The following MRPS9 variants were observed in gnomAD, a reference collection of about 807,000 sequenced individuals.
MRPS9 encodes small ribosomal subunit protein uS9m.
A neutral mutation model predicts 59.9 loss-of-function variants in MRPS9; 45 were observed. The ratio of observed to expected loss-of-function variants is 0.75; its 90% CI spans 0.59 to 0.96. The LOEUF (loss-of-function observed/expected upper bound fraction) is 0.96, where lower values mean the gene tolerates loss of function less well. MRPS9 is among the 40% of genes least tolerant of loss of function. The pLI is 0.00. For synonymous variants in MRPS9, 171 were observed against 166.8 expected (o/e 1.03, Z -0.19); for missense variants, 473 against 481.1 (o/e 0.98, Z 0.16).
At chr2:105,082,872 C>T (rs1297525729) in intron 5 of MRPS9, among the ~76,000 whole-genome samples, 1 of 152,160 alleles carries the variant, frequency 6.6e-6, no homozygotes, top group African/African-American at 2.4e-5. Context: ...ATTTATTTTA[C>T]ACTAATAAGA....
chr2:105,089,117 A>ATT, intron 6 of MRPS9, 48 bp downstream of exon 6: 1 of 1,418,348 alleles, frequency 7.1e-7, no homozygotes, highest in Non-Finnish European at 9.9e-7. Context: ...TGAACTAAAA[A>ATT]CATGCCACTC....
chr2:105,088,981 T>A lies in MRPS9; in HGVS notation c.490-3T>A, dbSNP rs1680504707. ...CATGTACTGTATATTTTGTTTGCCATAGGATGTATATGGAATGTTACTCAA... is the reference window on the plus strand; with the variant it reads ...CATGTACTGTATATTTTGTTTGCCAAAGGATGTATATGGAATGTTACTCAA... On this transcript the variant is annotated splice_polypyrimidine_tract_variant and splice_region_variant and intron_variant, in intron 5 of 10. Transcript: ENST00000258455. 1 of 1,601,618 alleles carries A rather than the reference T, an allele frequency of 6.2e-7. No individual in the cohort carries two copies.
At chr2:105,070,070 G>A (rs1202294747) in intron 2 of MRPS9, among the ~76,000 whole-genome samples, 1 of 152,006 alleles carries the variant, frequency 6.6e-6, no homozygotes, top group African/African-American at 2.4e-5. Context: ...AGGTGGGGAG[G>A]GACCTGGTTA....
chr2:105,040,126 T>C (rs1307882486), intron 1 of MRPS9, among the ~76,000 whole-genome samples: 1 of 152,232 alleles, frequency 6.6e-6, no homozygotes, highest in East Asian at 1.9e-4. Context: ...TAGATTCTTA[T>C]GATTGCATAC....
rs1279765886 is a variant in MRPS9 at position 105,092,491 on chromosome 2, G to GT, written c.743dup (p.Thr249AsnfsTer3). The GT allele has an allele frequency of 1.9e-6, 3 of 1,613,826 alleles. No homozygotes were observed. Among genetic ancestry groups the GT allele is most frequent in the African/African-American group, 2.7e-5 (2 of 74,912 alleles). ...ATTTGTGCAGAGGTTTCGAAGAAGTGTAACTCTTGAATCAAAAAAACAGCT... is the reference window on the plus strand; with the variant it reads ...ATTTGTGCAGAGGTTTCGAAGAAGTGTTAACTCTTGAATCAAAAAAACAGCT... On this transcript the variant is annotated frameshift_variant, in exon 8 of 11. Coordinates refer to ENST00000258455, the MANE Select transcript of MRPS9 (RefSeq NM_182640.3). LOFTEE classifies it high-confidence loss of function.
intron 10 of MRPS9, chr2:105,098,079 C>T (rs1479407023): frequency 2.6e-5 from 4 of 152,156 alleles, no homozygotes; most frequent in African/African-American, 9.7e-5. Flanking sequence ...TGGAGGTTTC[C>T]ATTTTTTCCC....
At chr2:105,064,884 A>G (rs1042198147) in intron 2 of MRPS9, among the ~76,000 whole-genome samples, 1 of 152,216 alleles carries the variant, frequency 6.6e-6, no homozygotes, top group Non-Finnish European at 1.5e-5. Context: ...AAAAAGAGAA[A>G]GATGCAAAGT....
intron 10 of MRPS9, chr2:105,097,529 G>T (rs1199751038): frequency 4.6e-6 from 2 of 436,200 alleles, no homozygotes; most frequent in Non-Finnish European, 7.6e-6. Context: ...AGAAAAAGGG[G>T]AGAACTCCCC....
At position 105,099,857 on chromosome 2, in the gene MRPS9, A is replaced by T; in HGVS notation, c.*96A>T. On this transcript the variant is annotated 3_prime_UTR_variant, in exon 11 of 11. Transcript: ENST00000258455. The stretch of plus-strand genomic sequence containing the variant: ...AATGGCTGACCAGCATGAGGGCAGT[A>T]CTGTCAGAAATTTCTTTGAGCTGTG... 1.0e-6 allele frequency: 1 copy of T among 970,400 alleles called. No homozygotes were observed. Among genetic ancestry groups the T allele is most frequent in the Non-Finnish European group, 1.5e-6 (1 of 661,690 alleles). The allele number at this position is 970,400 out of a possible 1,614,324, so 60.1% of individuals were successfully genotyped here. A position where few individuals can be genotyped will look rare whatever the true frequency, so the allele number is the denominator to read the frequency against.
intron 4 of MRPS9, 83 bp downstream of exon 4, chr2:105,071,572 A>G: frequency 7.4e-7 from 1 of 1,352,612 alleles, no homozygotes; most frequent in Non-Finnish European, 1.0e-6. Flanking sequence ...TTGCTCACAT[A>G]TCGTAGGGTG....
chr2:105,038,298 C>T lies in MRPS9; in HGVS notation c.135+71C>T, dbSNP rs1679428213. ...GATGTGGAGCCAGCGCGGACACCTTCCCCCAGCGTCTCGCGTGCCTTCAGG... is the reference window on the plus strand; with the variant it reads ...GATGTGGAGCCAGCGCGGACACCTTTCCCCAGCGTCTCGCGTGCCTTCAGG... On this transcript the variant is annotated intron_variant, in intron 1 of 10. Transcript: ENST00000258455. The T allele has an allele frequency of 2.6e-6, 4 of 1,549,226 alleles. No individual in the cohort carries two copies. The South Asian group carries it at 3.6e-5, about 14-fold the overall frequency.
intron 2 of MRPS9, among the ~76,000 whole-genome samples, chr2:105,050,162 CAG>C (rs1181672330): frequency 6.7e-6 from 1 of 149,744 alleles, no homozygotes; most frequent in Non-Finnish European, 1.5e-5. Context: ...TTTTTTGAGA[CAG>C]AGTCTTGCTC....
intron 2 of MRPS9, among the ~76,000 whole-genome samples, chr2:105,057,826 A>G (rs1026461205): frequency 6.6e-6 from 1 of 152,152 alleles, no homozygotes; most frequent in Non-Finnish European, 1.5e-5. Flanking sequence ...TTTAGTTGGG[A>G]GACCTTTCTG....
chr2:105,057,171 A>G (rs969465694), intron 2 of MRPS9, among the ~76,000 whole-genome samples: 1 of 152,194 alleles, frequency 6.6e-6, no homozygotes, highest in African/African-American at 2.4e-5. Flanking sequence ...GTTCTTACCC[A>G]CTGAACCATG....
intron 8 of MRPS9, among the ~76,000 whole-genome samples, chr2:105,092,774 C>T (rs1177867313): frequency 6.6e-6 from 1 of 152,156 alleles, no homozygotes; most frequent in African/African-American, 2.4e-5. Context: ...AATGTGGATG[C>T]ATACCTATAC....
chr2:105,046,066 A>G (rs1197519661), intron 1 of MRPS9, among the ~76,000 whole-genome samples: 2 of 151,860 alleles, frequency 1.3e-5, no homozygotes, highest in Non-Finnish European at 1.5e-5. Context: ...GGGTCTCACA[A>G]TGTTGGCCAG....
intron 1 of MRPS9, among the ~76,000 whole-genome samples, chr2:105,044,176 G>T (rs991812219): frequency 2.0e-5 from 3 of 151,984 alleles, no homozygotes; most frequent in Non-Finnish European, 4.4e-5. Context: ...CAGTTGATCC[G>T]CCCACTTCGG....
intron 7 of MRPS9, chr2:105,091,361 G>A (rs1162846917): frequency 2.1e-6 from 1 of 471,086 alleles, no homozygotes; most frequent in South Asian, 1.5e-5. Context: ...GCAATCAAGA[G>A]AGTAGCTGAG....
chr2:105,077,244 C>CAAAGAAAAAAAA (rs1680230247), intron 4 of MRPS9, among the ~76,000 whole-genome samples: 1 of 115,482 alleles, frequency 8.7e-6, no homozygotes, highest in African/African-American at 3.3e-5. Flanking sequence ...GACTCCATCT[C>CAAAGAAAAAAAA]AAAAAAAAAA....
Sources: gnomAD v4.1 joint callset for allele counts (sites outside exome capture counted in the v4.1 genomes callset) on GRCh38, gnomAD v4.1.1 for gene constraint, MANE v1.5 for transcripts, NCBI Gene and HGNC (gene_info 2026-07-23, HGNC 2026-07-21) for gene names.